KY: variants seen among roughly 807,000 people sequenced by gnomAD.
The protein encoded by KY is kyphoscoliosis peptidase.
Under a neutral mutation model 76.1 loss-of-function variants are expected in KY, and 43 were observed. The ratio of observed to expected loss-of-function variants is 0.57; its 90% CI spans 0.44 to 0.73. KY has a LOEUF of 0.73. Among genes scored for constraint, KY ranks in the 30% least tolerant of loss-of-function variants. The pLI, the probability that KY is intolerant of heterozygous loss-of-function variation, is 0.00. For synonymous variants in KY, 277 were observed against 326.2 expected (o/e 0.85, Z 1.63); for missense variants, 722 against 828.9 (o/e 0.87, Z 1.58).
chr3:134,646,727 G>C (rs957247777), intron 2 of KY, among the ~76,000 whole-genome samples: 3 of 152,118 alleles, frequency 2.0e-5, no homozygotes, highest in African/African-American at 7.2e-5. Flanking sequence ...CTGATCCTAG[G>C]GCTCACATAG....
chr3:134,619,335 A>T, intron 7 of KY, 70 bp from the exon 8 acceptor site: 1 of 1,182,560 alleles, frequency 8.5e-7, no homozygotes, highest in East Asian at 2.3e-5. Flanking sequence ...CCCAACCCCC[A>T]GCTGTGCTCT....
chr3:134,607,757 T>G (rs569205301), intron 10 of KY: 3 of 985,922 alleles, frequency 3.0e-6, no homozygotes, highest in South Asian at 9.4e-5. Context: ...GGAGAGCACA[T>G]GTCAGCCCAG....
chr3:134,641,227 G>A (rs1965720041), intron 3 of KY: 1 of 152,222 alleles, frequency 6.6e-6, no homozygotes, highest in African/African-American at 2.4e-5. Flanking sequence ...TGTCCCCTGG[G>A]ATAGGCTGAA....
At chr3:134,633,598 C>A (rs1964527785) in intron 3 of KY, among the ~76,000 whole-genome samples, 1 of 152,038 alleles carries the variant, frequency 6.6e-6, no homozygotes, top group Admixed American at 6.5e-5. Context: ...TAAAAGGGAA[C>A]TTTCTTAATC....
intron 8 of KY, among the ~76,000 whole-genome samples, chr3:134,611,944 T>TG (rs1960546011): frequency 1.3e-5 from 2 of 152,262 alleles, no homozygotes; most frequent in African/African-American, 4.8e-5. Context: ...CTAATACATA[T>TG]CACTTGCTGA....
Position 134,604,607 on chromosome 3 carries a change from A to T in KY, c.1091-133T>A, listed in dbSNP as rs554326857. ...GCTTGTCTATTTCCACGGTGTTAAT[A>T]CTTTCACCACAGTCCATTTCAAGCA... On this transcript the variant is annotated intron_variant, in intron 10 of 10. Transcript: ENST00000423778. The T allele has an allele frequency of 2.9e-5, 21 of 736,072 alleles. No homozygotes were observed. In the Admixed American group the frequency reaches 5.5e-4, roughly 19 times the overall value. 45.6% of individuals were successfully genotyped at this position (736,072 alleles called of 1,614,324 possible).
At chr3:134,637,317 C>T (rs910490312) in intron 3 of KY, among the ~76,000 whole-genome samples, 5 of 152,212 alleles carry the variant, frequency 3.3e-5, no homozygotes, top group African/African-American at 1.2e-4. Context: ...GAGGCATGGG[C>T]CTGTTCTTTT....
At chr3:134,614,320 G>T (rs1055717436) in intron 8 of KY, among the ~76,000 whole-genome samples, 2 of 152,010 alleles carry the variant, frequency 1.3e-5, no homozygotes, top group African/African-American at 2.4e-5. Context: ...CAGAATCTTC[G>T]CTTCTACTTT....
In KY at chr3:134,608,797, G is replaced by T. The variant is rs770016853; in HGVS notation, c.942C>A (p.Ile314=). 6.2e-7 allele frequency: 1 copy of T among 1,613,960 alleles called. No homozygotes were observed. The highest frequency in any genetic ancestry group is 8.5e-7 in the Non-Finnish European group (1 of 1,179,854). The part of the protein sequence containing the change: ...FYFLTHPALF[I]EDHFPDNKNW... ...TCTTGTTGTCTGGGAAGTGGTCCTC[G>T]ATGAACAGTGCAGGGTGGGTGAGGA... The change falls in exon 10 of 11, where the codon ATC becomes ATA. Residue 314 remains isoleucine, a synonymous_variant. Transcript: ENST00000423778.
chr3:134,604,138 CTGGTG>C lies in KY; in HGVS notation c.1422_1426del (p.His474GlnfsTer16). ...GAAGCTGATGGAGCAGCGCCCGTCGCTGGTGTGGATGATAGGGTCAGGGTGGGAGG... is the reference window on the plus strand; with the variant it reads ...GAAGCTGATGGAGCAGCGCCCGTCGCTGGATGATAGGGTCAGGGTGGGAGG... On this transcript the variant is annotated frameshift_variant, in exon 11 of 11. Coordinates refer to ENST00000423778, the MANE Select transcript of KY (RefSeq NM_178554.6). LOFTEE classifies it high-confidence loss of function. 6.2e-7 allele frequency: 1 copy of C among 1,608,358 alleles called. No homozygotes were observed.
chr3:134,622,732 C>G (rs1291242142), intron 6 of KY, among the ~76,000 whole-genome samples: 1 of 152,078 alleles, frequency 6.6e-6, no homozygotes, highest in Non-Finnish European at 1.5e-5. Context: ...CGTAGGGGCC[C>G]TCAGGGAAAC....
chr3:134,625,095 C>A lies in KY; in HGVS notation c.441G>T (p.Leu147=). Residue 147 remains leucine (L), a synonymous_variant, in exon 6 of 11, where the codon CTG becomes CTT. Transcript: ENST00000423778. ...WDRSSLKSMS[L]DLQQFEKLDI... The stretch of plus-strand genomic sequence containing the variant: ...CCAATTTCTCAAACTGCTGCAGGTC[C>A]AGGGACATGGATTTCAGGCTAGATC... 6.2e-7 allele frequency: 1 copy of A among 1,603,228 alleles called. No individual in the cohort carries two copies. The highest frequency in any genetic ancestry group is 1.7e-5 in the Admixed American group (1 of 58,544).
At chr3:134,623,759 C>T (rs913033149) in intron 6 of KY, among the ~76,000 whole-genome samples, 7 of 152,122 alleles carry the variant, frequency 4.6e-5, no homozygotes, top group South Asian at 4.1e-4. Flanking sequence ...GCCGACATGG[C>T]GTCTGTCCTG....
chr3:134,606,247 C>T (rs1959196891), intron 10 of KY, among the ~76,000 whole-genome samples: 1 of 152,142 alleles, frequency 6.6e-6, no homozygotes, highest in South Asian at 2.1e-4. Flanking sequence ...CACCCAGCAC[C>T]CCACACAGCA....
rs1577607488 is a variant in KY at position 134,610,403 on chromosome 3, T to G, written c.711-20A>C. ...GCGAGCCTGGGGGCAGGACAGGGGG[T>G]CTGAGAGGGGGATCCCGCTGTGGCT... On this transcript the variant is annotated intron_variant, in intron 8 of 10. Coordinates refer to ENST00000423778, the MANE Select transcript of KY (RefSeq NM_178554.6). 1 of 1,598,876 alleles carries G rather than the reference T, an allele frequency of 6.3e-7. No individual in the cohort carries two copies. The highest frequency in any genetic ancestry group is 8.5e-7 in the Non-Finnish European group (1 of 1,172,156).
In KY at chr3:134,620,827, C is replaced by G. The variant is rs774364480; in HGVS notation, c.514G>C (p.Val172Leu). ...TGGGCCTCCTGGAGCAGGTCACTCA[C>G]CAGTTCGTCTAGGCCACTCTTGGCT... ...VTAKSGLDEL[V>L]SDLLQEAHTD... The change falls in exon 7 of 11, where the codon GTG becomes CTG. Residue 172 changes from valine (V) to leucine (L), a missense_variant. Around this residue, in one of 2 missense-constraint regions of KY, gnomAD observed 552 missense variants for 680.9 expected, o/e 0.81. Coordinates refer to ENST00000423778, the MANE Select transcript of KY (RefSeq NM_178554.6). The G allele has an allele frequency of 5.0e-6, 8 of 1,613,044 alleles. No homozygotes were observed. Among genetic ancestry groups the G allele is most frequent in the Non-Finnish European group, 6.8e-6 (8 of 1,179,506 alleles).
At chr3:134,625,365 G>T (rs532239663) in intron 5 of KY, among the ~76,000 whole-genome samples, 44 of 152,352 alleles carry the variant, frequency 2.9e-4, no homozygotes, top group African/African-American at 1.1e-3. Flanking sequence ...GGCCTACAGG[G>T]AACATACGCC....
chr3:134,633,817 T>C (rs9834072), intron 3 of KY, among the ~76,000 whole-genome samples: 148,390 of 152,222 alleles, frequency 0.97, 72,440 homozygotes, highest in East Asian at 1. Context: ...TAAAACTGTC[T>C]TTATTCACAG....
rs1036533757 is a variant in KY at position 134,608,126 on chromosome 3, G to A, written c.1090+523C>T. The A allele has an allele frequency of 2.6e-5, 29 of 1,130,848 alleles. 1 individual carries two copies. The Middle Eastern group carries it at 2.4e-3, about 95-fold the overall frequency. 70.1% of individuals were successfully genotyped at this position (1,130,848 alleles called of 1,614,324 possible). On this transcript the variant is annotated intron_variant, in intron 10 of 10. Coordinates refer to ENST00000423778, the MANE Select transcript of KY (RefSeq NM_178554.6). ...TGTTGCTCCCCATCCTTGCTGGTTGGACCACCAACACCCAGATTCCAGCTC... is the reference window on the plus strand; with the variant it reads ...TGTTGCTCCCCATCCTTGCTGGTTGAACCACCAACACCCAGATTCCAGCTC...
Sources: allele counts gnomAD v4.1 joint callset (sites outside exome capture counted in the v4.1 genomes callset), GRCh38; gene constraint gnomAD v4.1.1; regional missense constraint gnomAD v4.1.1; transcripts MANE v1.5; gene names NCBI Gene and HGNC (gene_info 2026-07-23, HGNC 2026-07-21).